The following NPSR1 variants were observed in gnomAD, a reference collection of about 807,000 sequenced individuals.
The protein encoded by NPSR1 is neuropeptide S receptor 1, also known as neuropeptide S receptor.
Under a neutral mutation model 46.9 loss-of-function variants are expected in NPSR1, and 48 were observed. The observed-to-expected ratio is 1.02, with a 90% CI of 0.81 to 1.30. The LOEUF is 1.30. Ranked by LOEUF, NPSR1 falls within the 50% of genes most tolerant of loss-of-function variation. The probability of loss-of-function intolerance (pLI) is 0.00; values close to 1 mark genes in which losing one functional copy is unlikely to be tolerated. For synonymous variants in NPSR1, 176 were observed against 168.1 expected (o/e 1.05, Z -0.36); for missense variants, 450 against 449.5 (o/e 1.00, Z -0.01).
intron 5 of NPSR1, among the ~76,000 whole-genome samples, chr7:34,833,550 G>A (rs1178585595): frequency 6.6e-6 from 1 of 152,202 alleles, no homozygotes; most frequent in Non-Finnish European, 1.5e-5. Flanking sequence ...ACACCATTTT[G>A]TAGAACCTCA....
intron 5 of NPSR1, among the ~76,000 whole-genome samples, chr7:34,832,193 A>G (rs567194247): frequency 6.6e-6 from 1 of 152,368 alleles, no homozygotes; most frequent in East Asian, 1.9e-4. Flanking sequence ...TGCAGGGACA[A>G]TCCACAAAAC....
intron 1 of NPSR1, among the ~76,000 whole-genome samples, chr7:34,676,631 G>A (rs965452119): frequency 6.6e-6 from 1 of 152,244 alleles, no homozygotes; most frequent in South Asian, 2.1e-4. Flanking sequence ...CAGTGAAACA[G>A]GATTTAAATT....
In NPSR1 at chr7:34,790,890, ATATATGT is replaced by A. The variant is rs542694174; in HGVS notation, c.384+12338_384+12344del. Among the ~76,000 whole-genome samples the A allele has an allele frequency of 7.6e-4, 83 of 109,478 alleles. 2 individuals are homozygous for A. The highest frequency in any genetic ancestry group is 2.9e-3 in the South Asian group (11 of 3,754). 71.8% of individuals were successfully genotyped at this position (109,478 alleles called of 152,430 possible). Reference sequence around the variant, plus strand: ...TATGTTATATGTTATATTATATATCATATATGTTATATGTTATATTATATATCATATA... The same window carrying A: ...TATGTTATATGTTATATTATATATCATATATGTTATATTATATATCATATA... On this transcript the variant is annotated intron_variant, in intron 3 of 8. Coordinates refer to ENST00000360581, the MANE Select transcript of NPSR1 (RefSeq NM_207172.2).
At chr7:34,789,740 C>CAAAAAAA (rs751424409) in intron 3 of NPSR1, among the ~76,000 whole-genome samples, 15 of 45,334 alleles carry the variant, frequency 3.3e-4, no homozygotes, top group Non-Finnish European at 4.4e-4. Context: ...TTGCAGTGCG[C>CAAAAAAA]AAAAAAAAAA....
intron 8 of NPSR1, 126 bp downstream of exon 8, chr7:34,848,789 G>T: frequency 2.4e-6 from 2 of 832,334 alleles, no homozygotes; most frequent in African/African-American, 1.7e-5. Context: ...TAGATGAGAG[G>T]CTTGAGAGTC....
chr7:34,734,891 A>G (rs1053268038), intron 2 of NPSR1, among the ~76,000 whole-genome samples: 4 of 152,108 alleles, frequency 2.6e-5, no homozygotes, highest in African/African-American at 9.7e-5. Context: ...TATTGGCCTT[A>G]TATTTTTCTC....
At chr7:34,846,707 C>T (rs1379404353) in intron 7 of NPSR1, among the ~76,000 whole-genome samples, 1 of 151,916 alleles carries the variant, frequency 6.6e-6, no homozygotes, top group Non-Finnish European at 1.5e-5. Context: ...TTTTCTCAGC[C>T]GGCAAAAAGA....
intron 1 of NPSR1, among the ~76,000 whole-genome samples, chr7:34,665,405 G>A (rs17169964): frequency 0.045 from 6,844 of 152,188 alleles, 289 homozygotes; most frequent in East Asian, 0.22. Context: ...CAACAGAAAC[G>A]CCCCCAGGGT....
intron 4 of NPSR1, among the ~76,000 whole-genome samples, chr7:34,822,253 G>A (rs1304193342): frequency 6.6e-6 from 1 of 152,132 alleles, no homozygotes; most frequent in Non-Finnish European, 1.5e-5. Flanking sequence ...TGAGAGGCAG[G>A]GTTCGGAGTT....
At chr7:34,787,174 T>C (rs1226481561) in intron 3 of NPSR1, among the ~76,000 whole-genome samples, 1 of 152,162 alleles carries the variant, frequency 6.6e-6, no homozygotes, top group Non-Finnish European at 1.5e-5. Context: ...CTCAATATTC[T>C]GGATAACTTA....
At chr7:34,833,356 T>C (rs1790206534) in intron 5 of NPSR1, among the ~76,000 whole-genome samples, 1 of 152,220 alleles carries the variant, frequency 6.6e-6, no homozygotes, top group South Asian at 2.1e-4. Flanking sequence ...TTTTGAATCC[T>C]TAACACTTTG....
At chr7:34,833,580 G>C (rs1222233049) in intron 5 of NPSR1, among the ~76,000 whole-genome samples, 1 of 152,198 alleles carries the variant, frequency 6.6e-6, no homozygotes, top group Non-Finnish European at 1.5e-5. Flanking sequence ...CAGTGTAGTA[G>C]TTATCTATTA....
chr7:34,730,882 G>C (rs1784387540), intron 2 of NPSR1, among the ~76,000 whole-genome samples: 1 of 152,190 alleles, frequency 6.6e-6, no homozygotes, highest in Non-Finnish European at 1.5e-5. Context: ...GTGAGTGCCT[G>C]GACAGAATGG....
chr7:34,859,441 C>A (rs1409741348), intron 8 of NPSR1, among the ~76,000 whole-genome samples: 3 of 151,436 alleles, frequency 2.0e-5, no homozygotes, highest in Non-Finnish European at 4.4e-5. Context: ...GTGCATAATA[C>A]CCCACTATGC....
intron 2 of NPSR1, chr7:34,758,107 TG>T (rs1422142516): frequency 1.3e-5 from 2 of 152,630 alleles, no homozygotes; most frequent in Non-Finnish European, 1.5e-5. Flanking sequence ...ATCTGTAAAA[TG>T]GAGGTTGTAA....
intron 4 of NPSR1, among the ~76,000 whole-genome samples, chr7:34,812,862 C>A (rs545782238): frequency 5.3e-5 from 8 of 152,098 alleles, no homozygotes; most frequent in Non-Finnish European, 7.4e-5. Context: ...CTGTAGAAAA[C>A]AGATAATACC....
intron 2 of NPSR1, among the ~76,000 whole-genome samples, chr7:34,693,091 T>C (rs1266055752): frequency 6.6e-6 from 1 of 152,130 alleles, no homozygotes; most frequent in East Asian, 1.9e-4. Context: ...CTCTCTCTCT[T>C]GATTCTTCTC....
rs533161222 is a variant in NPSR1, at chr7:34,815,765, C to T, written c.478+3902C>T. On this transcript the variant is annotated intron_variant, in intron 4 of 8. Transcript: ENST00000360581. ...GAAGACAGTGGGGGCCAATATTCAA[C>T]ATTCTTAAAGAGAAGAATTTTCAAT... Among the ~76,000 whole-genome samples the T allele has an allele frequency of 9.7e-4, 146 of 151,024 alleles. 3 individuals are homozygous for T. Among genetic ancestry groups the T allele is most frequent in the Admixed American group, 1.1e-3 (17 of 15,136 alleles).
chr7:34,734,438 T>G lies in NPSR1; in HGVS notation c.281-44024T>G, dbSNP rs187904118. ...ACAGGCAGGCCTCAACTTCCAGATATGTGTCTTGAACAGCATGGATGATAG... is the reference window on the plus strand; with the variant it reads ...ACAGGCAGGCCTCAACTTCCAGATAGGTGTCTTGAACAGCATGGATGATAG... On this transcript the variant is annotated intron_variant, in intron 2 of 8. Coordinates refer to ENST00000360581, the MANE Select transcript of NPSR1 (RefSeq NM_207172.2). 9.2e-4 allele frequency among the ~76,000 whole-genome samples: 140 copies of G among 152,120 alleles called. 2 individuals carry two copies. The highest frequency in any genetic ancestry group is 1.7e-3 in the Non-Finnish European group (117 of 67,950).
Sources: gnomAD v4.1 joint callset for allele counts (sites outside exome capture counted in the v4.1 genomes callset) on GRCh38, gnomAD v4.1.1 for gene constraint, MANE v1.5 for transcripts, NCBI Gene and HGNC (gene_info 2026-07-23, HGNC 2026-07-21) for gene names.